KTN1: variants seen among roughly 807,000 people sequenced by gnomAD.
KTN1 encodes the protein kinectin 1.
Under a neutral mutation model 222.5 loss-of-function variants are expected in KTN1, and 130 were observed. That is an observed-to-expected ratio of 0.58 (90% CI 0.51 to 0.68). The LOEUF is 0.68. Ranked by LOEUF, KTN1 falls within the 30% of genes least tolerant of loss-of-function variation. The pLI is 0.00. For synonymous variants in KTN1, 512 were observed against 496.3 expected (o/e 1.03, Z -0.42); for missense variants, 1,508 against 1,500.4 (o/e 1.01, Z -0.08).
At position 55,656,130 on chromosome 14, in the gene KTN1, C is replaced by G; in HGVS notation, c.2890C>G (p.Gln964Glu). ...TCTTTCTAGCAAAACACAGCTGTTA[C>G]AGGTGAATATGGTGACTTAAAATTA... The part of the protein sequence containing the change: ...SDLSSKTQLL[Q>E]DVQDENKLFK... Residue 964 changes from glutamine (Q) to glutamate (E), a missense_variant and splice_region_variant, in exon 29 of 44, where the codon CAG (glutamine) becomes GAG (glutamate). Coordinates refer to ENST00000395314, the MANE Select transcript of KTN1 (RefSeq NM_001079521.2). 6.3e-7 allele frequency: 1 copy of G among 1,579,598 alleles called. No homozygotes were observed. The highest frequency in any genetic ancestry group is 8.7e-7 in the Non-Finnish European group (1 of 1,149,816).
intron 41 of KTN1, among the ~76,000 whole-genome samples, chr14:55,676,525 T>G (rs192462117): frequency 4.7e-4 from 72 of 152,240 alleles, no homozygotes; most frequent in Non-Finnish European, 8.4e-4. Flanking sequence ...GCAAAACAAG[T>G]GTCACTTTTT....
chr14:55,648,589 G>A (rs1382368002), intron 20 of KTN1, among the ~76,000 whole-genome samples: 1 of 152,152 alleles, frequency 6.6e-6, no homozygotes, highest in Non-Finnish European at 1.5e-5. Context: ...GGAAATATAT[G>A]TGGATGTAAT....
chr14:55,651,325 A>T (rs969003309), intron 24 of KTN1: 4 of 456,024 alleles, frequency 8.8e-6, no homozygotes, highest in Middle Eastern at 3.3e-4. Flanking sequence ...AGGAACTGAC[A>T]TCTAAGCCAA....
At chr14:55,661,443 C>A (rs1181236160) in intron 31 of KTN1, 79 bp from the exon 32 acceptor site, 6 of 737,918 alleles carry the variant, frequency 8.1e-6, no homozygotes, top group Admixed American at 2.1e-5. Flanking sequence ...TTTGTAATAG[C>A]AAATGTTGAT....
intron 18 of KTN1, among the ~76,000 whole-genome samples, chr14:55,646,103 A>C (rs1048295259): frequency 2.7e-5 from 4 of 148,768 alleles, no homozygotes; most frequent in Non-Finnish European, 5.9e-5. Context: ...ACATAAGATA[A>C]ATTTTAACAT....
chr14:55,607,294 C>T (rs772698671), intron 1 of KTN1: 6 of 152,030 alleles, frequency 3.9e-5, no homozygotes, highest in African/African-American at 7.2e-5. Context: ...CGTACTCTGA[C>T]GAAACACGAC....
At chr14:55,581,019 A>G (rs1287690896) in intron 1 of KTN1, among the ~76,000 whole-genome samples, 2 of 152,210 alleles carry the variant, frequency 1.3e-5, no homozygotes, top group Admixed American at 6.5e-5. Context: ...CACTCTCGAC[A>G]CCGGCGAAGT....
rs2141321864 is a variant in KTN1, at chr14:55,671,856, A to C, written c.3510A>C (p.Glu1170Asp). ...EENKWKVKVD[E>D]SHKTIKQMQS... ...ATAAATGGAAAGTTAAGGTCGATGA[A>C]TCACACAAGACTATTAAACAGGTAT... Residue 1170 changes from glutamate (E) to aspartate (D), a missense_variant, in exon 37 of 44, where the codon GAA becomes GAC. Transcript: ENST00000395314. The C allele has an allele frequency of 6.3e-7, 1 of 1,593,982 alleles. No homozygotes were observed. The highest frequency in any genetic ancestry group is 1.1e-5 in the South Asian group (1 of 90,614).
chr14:55,665,433 G>A (rs1324042212), intron 33 of KTN1, among the ~76,000 whole-genome samples: 1 of 151,896 alleles, frequency 6.6e-6, no homozygotes, highest in African/African-American at 2.4e-5. Flanking sequence ...TTCTTGCATA[G>A]CTAAAGATCT....
At chr14:55,675,777 A>AGCAATCAAAGAAGAGGTATTT in intron 40 of KTN1, 58 bp from the exon 41 acceptor site, 2 of 1,124,670 alleles carry the variant, frequency 1.8e-6, no homozygotes, top group Non-Finnish European at 2.7e-6. Context: ...TAGAGGTATC[A>AGCAATCAAAGAAGAGGTATTT]GCATAATCAA....
chr14:55,636,317 G>A, intron 9 of KTN1, 132 bp from the exon 10 acceptor site: 1 of 628,618 alleles, frequency 1.6e-6, no homozygotes, highest in Non-Finnish European at 2.8e-6. Flanking sequence ...TTATTGAAAT[G>A]TAGGAGACTA....
chr14:55,653,525 C>CTA (rs1358807085), intron 27 of KTN1, 34 bp from the exon 28 acceptor site: 3 of 1,568,238 alleles, frequency 1.9e-6, no homozygotes, highest in African/African-American at 2.7e-5. Flanking sequence ...ACATTTAATG[C>CTA]TAACAGCATT....
At chr14:55,640,246 T>C in intron 14 of KTN1, 128 bp from the exon 15 acceptor site, 1 of 699,266 alleles carries the variant, frequency 1.4e-6, no homozygotes. Context: ...GAATTGGTGG[T>C]TTCTCTTGAT....
chr14:55,624,583 T>C (rs987324166), intron 5 of KTN1, among the ~76,000 whole-genome samples: 1 of 152,126 alleles, frequency 6.6e-6, no homozygotes, highest in Admixed American at 6.5e-5. Flanking sequence ...ATGGGAGTGA[T>C]TGAGGAAGAT....
intron 5 of KTN1, among the ~76,000 whole-genome samples, chr14:55,623,959 G>A (rs544197317): frequency 2.7e-4 from 41 of 152,086 alleles, no homozygotes; most frequent in Non-Finnish European, 3.8e-4. Flanking sequence ...GAGTCTGGGT[G>A]GTAAATCAGA....
chr14:55,637,813 A>G lies in KTN1; in HGVS notation c.1751A>G (p.Gln584Arg). 1 of 1,611,520 alleles carries G rather than the reference A, an allele frequency of 6.2e-7. No individual in the cohort carries two copies. The highest frequency in any genetic ancestry group is 8.5e-7 in the Non-Finnish European group (1 of 1,178,324). The change falls in exon 12 of 44, where the codon CAA (glutamine) becomes CGA (arginine). Residue 584 changes from glutamine (Q) to arginine (R), a missense_variant. Gln to Arg is a conservative substitution (Grantham distance 43, BLOSUM62 1). Transcript: ENST00000395314. ...GAGCAGAATGAGGCTTTGAAAGCTC[A>G]AATTCAGCAGTTCCATTCCCAGATA... ...ILEQNEALKAQIQQFHSQIAA... is the reference protein window; with the variant it reads ...ILEQNEALKARIQQFHSQIAA...
chr14:55,676,164 A>G (rs1296393784), intron 41 of KTN1, among the ~76,000 whole-genome samples: 2 of 152,334 alleles, frequency 1.3e-5, no homozygotes, highest in Middle Eastern at 3.4e-3. Flanking sequence ...TAAAGTACAG[A>G]GTAAAATTTA....
At chr14:55,640,725 T>G (rs933818679) in intron 15 of KTN1, among the ~76,000 whole-genome samples, 1 of 151,964 alleles carries the variant, frequency 6.6e-6, no homozygotes, top group African/African-American at 2.4e-5. Flanking sequence ...GATATACCTT[T>G]TTGTTAGTGT....
chr14:55,671,732 TATCTTGGCATTAG>T, intron 36 of KTN1, 40 bp from the exon 37 acceptor site: 1 of 1,534,290 alleles, frequency 6.5e-7, no homozygotes, highest in Non-Finnish European at 9.0e-7. Context: ...TAAATAGTTT[TATCTTGGCATTAG>T]AACATGAATT....
Sources: allele counts gnomAD v4.1 joint callset (sites outside exome capture counted in the v4.1 genomes callset), GRCh38; gene constraint gnomAD v4.1.1; transcripts MANE v1.5; gene names NCBI Gene and HGNC (gene_info 2026-07-23, HGNC 2026-07-21).